The following UIMC1 variants were observed in gnomAD, a reference collection of about 807,000 sequenced individuals.
The protein encoded by UIMC1 is BRCA1-A complex subunit RAP80.
A neutral mutation model predicts 84.9 loss-of-function variants in UIMC1; 42 were observed. The observed-to-expected ratio is 0.49, with a 90% CI of 0.39 to 0.64. The LOEUF is 0.64. Among genes scored for constraint, UIMC1 ranks in the 30% least tolerant of loss-of-function variants. The pLI, the probability that UIMC1 is intolerant of heterozygous loss-of-function variation, is 0.00. For missense variants in UIMC1, 825 were observed against 847.6 expected (o/e 0.97, Z 0.33); for synonymous variants, 281 against 293.0 (o/e 0.96, Z 0.42).
intron 1 of UIMC1, among the ~76,000 whole-genome samples, chr5:176,993,325 A>G (rs1052709842): frequency 6.6e-6 from 1 of 152,088 alleles, no homozygotes; most frequent in African/African-American, 2.4e-5. Flanking sequence ...AGCTAGGACC[A>G]CAGGCATGTG....
At chr5:176,948,424 C>T (rs1765409419) in intron 9 of UIMC1, among the ~76,000 whole-genome samples, 1 of 152,190 alleles carries the variant, frequency 6.6e-6, no homozygotes, top group African/African-American at 2.4e-5. Context: ...TATTCTTTAT[C>T]TAATTTCACC....
At chr5:176,961,170 C>A (rs2149470965) in intron 6 of UIMC1, among the ~76,000 whole-genome samples, 1 of 64,794 alleles carries the variant, frequency 1.5e-5, no homozygotes, top group South Asian at 5.3e-4. Context: ...GGCCGCCATC[C>A]CATCTAGGAA....
At chr5:176,948,921 T>G (rs1300436625) in intron 9 of UIMC1, among the ~76,000 whole-genome samples, 1 of 152,172 alleles carries the variant, frequency 6.6e-6, no homozygotes, top group Non-Finnish European at 1.5e-5. Flanking sequence ...AATGTTCCAT[T>G]CTGTCTAATA....
chr5:176,975,214 C>G (rs1049014231), intron 3 of UIMC1, among the ~76,000 whole-genome samples, 182 bp downstream of exon 3: 2 of 151,962 alleles, frequency 1.3e-5, no homozygotes, highest in African/African-American at 4.8e-5. Flanking sequence ...ACTGAAGATA[C>G]AGGAAACTGA....
chr5:177,003,199 C>CCA (rs148561079), intron 1 of UIMC1, among the ~76,000 whole-genome samples: 21 of 151,352 alleles, frequency 1.4e-4, no homozygotes, highest in Admixed American at 2.6e-4. Context: ...AAATGCATAC[C>CCA]CACACACACA....
At chr5:176,931,046 A>G (rs190715405) in intron 10 of UIMC1, among the ~76,000 whole-genome samples, 5 of 152,348 alleles carry the variant, frequency 3.3e-5, no homozygotes, top group Non-Finnish European at 5.9e-5. Flanking sequence ...AGAACACAGT[A>G]ATGAATGCTA....
At chr5:176,937,163 C>G (rs1763809247) in intron 10 of UIMC1, among the ~76,000 whole-genome samples, 1 of 152,138 alleles carries the variant, frequency 6.6e-6, no homozygotes, top group African/African-American at 2.4e-5. Context: ...TAGTCTAGAT[C>G]AACGTAGTCA....
At chr5:176,972,276 C>T (rs1385054025) in intron 3 of UIMC1, among the ~76,000 whole-genome samples, 1 of 152,000 alleles carries the variant, frequency 6.6e-6, no homozygotes, top group Non-Finnish European at 1.5e-5. Flanking sequence ...GTGGTGAGCG[C>T]CTATAGTCCC....
intron 1 of UIMC1, among the ~76,000 whole-genome samples, chr5:176,992,856 C>T (rs1380863478): frequency 6.6e-6 from 1 of 151,988 alleles, no homozygotes; most frequent in Non-Finnish European, 1.5e-5. Context: ...ATGTGCAATA[C>T]ATTTATCTTG....
At chr5:176,954,210 G>A (rs1766275119) in intron 8 of UIMC1, among the ~76,000 whole-genome samples, 1 of 152,128 alleles carries the variant, frequency 6.6e-6, no homozygotes. Flanking sequence ...GGTTCCTCCT[G>A]CAAGATCCCA....
chr5:176,922,018 G>A (rs1179678364), intron 10 of UIMC1, among the ~76,000 whole-genome samples: 1 of 151,844 alleles, frequency 6.6e-6, no homozygotes, highest in South Asian at 2.1e-4. Flanking sequence ...CTTGCTTTAG[G>A]GCCTTTGTAT....
rs1760181637 is a variant in UIMC1 at position 176,911,298 on chromosome 5, C to T, written c.1676+13G>A. ...TTATACAAGAGCTCCGTGAATGCAG[C>T]ATACCTACTTACTTGTCAATGTCTA... On this transcript the variant is annotated intron_variant, in intron 11 of 14. Coordinates refer to ENST00000511320, the MANE Select transcript of UIMC1 (RefSeq NM_001199298.2). 1.9e-6 allele frequency: 3 copies of T among 1,589,120 alleles called. No homozygotes were observed. The highest frequency in any genetic ancestry group is 2.6e-6 in the Non-Finnish European group (3 of 1,166,988).
In UIMC1 at chr5:177,012,178, G is replaced by C. The variant is rs188978053; in HGVS notation, c.-9+10286C>G. ...TGGTTCCTAGCATCGAATCTCAATTGCCTACTTGACTTTTCCACCTGTTAT... is the reference window on the plus strand; with the variant it reads ...TGGTTCCTAGCATCGAATCTCAATTCCCTACTTGACTTTTCCACCTGTTAT... On this transcript the variant is annotated intron_variant, in intron 1 of 5. Coordinates refer to the UIMC1 transcript ENST00000509236. Among the ~76,000 whole-genome samples, 437 of 152,156 alleles carry C rather than the reference G, an allele frequency of 2.9e-3. 1 individual carries two copies. The highest frequency in any genetic ancestry group is 0.01 in the African/African-American group (422 of 41,504).
intron 8 of UIMC1, among the ~76,000 whole-genome samples, chr5:176,952,769 C>T (rs899779971): frequency 6.6e-6 from 1 of 152,046 alleles, no homozygotes; most frequent in Admixed American, 6.6e-5. Context: ...TGCACTCCAG[C>T]CTGAGTTACA....
intron 10 of UIMC1, among the ~76,000 whole-genome samples, chr5:176,919,958 G>A (rs1471766489): frequency 9.2e-5 from 14 of 152,066 alleles, no homozygotes; most frequent in Non-Finnish European, 8.8e-5. Context: ...TTGTATTTTG[G>A]TATGAATTTT....
chr5:176,974,464 C>T (rs1045205280), intron 3 of UIMC1, among the ~76,000 whole-genome samples: 1 of 152,124 alleles, frequency 6.6e-6, no homozygotes, highest in African/African-American at 2.4e-5. Context: ...TGGAAATCTT[C>T]ATAACCTTAG....
chr5:176,997,380 T>C (rs940089396), intron 1 of UIMC1, among the ~76,000 whole-genome samples: 3 of 152,066 alleles, frequency 2.0e-5, no homozygotes, highest in Non-Finnish European at 2.9e-5. Context: ...AATCTTAAAG[T>C]ACTCCACTAC....
intron 1 of UIMC1, among the ~76,000 whole-genome samples, chr5:177,003,286 C>A (rs1183078086): frequency 3.3e-5 from 5 of 152,092 alleles, no homozygotes; most frequent in Admixed American, 6.5e-5. Context: ...TGTGTAACAA[C>A]AGAATTCAAA....
intron 10 of UIMC1, among the ~76,000 whole-genome samples, chr5:176,931,362 T>C (rs1018916899): frequency 6.6e-6 from 1 of 152,178 alleles, no homozygotes; most frequent in South Asian, 2.1e-4. Flanking sequence ...ACATAATGCT[T>C]TGGGTATTAA....
Sources: gnomAD v4.1 joint callset for allele counts (sites outside exome capture counted in the v4.1 genomes callset) on GRCh38, gnomAD v4.1.1 for gene constraint, MANE v1.5 for transcripts, NCBI Gene and HGNC (gene_info 2026-07-23, HGNC 2026-07-21) for gene names.